HIP1: variants seen among roughly 807,000 people sequenced by gnomAD.
The protein encoded by HIP1 is huntingtin-interacting protein 1.
Under a neutral mutation model 147.6 loss-of-function variants are expected in HIP1, and 65 were observed. That is an observed-to-expected ratio of 0.44 (90% CI 0.36 to 0.54). The LOEUF (loss-of-function observed/expected upper bound fraction) is 0.54. Among genes scored for constraint, HIP1 ranks in the 20% least tolerant of loss-of-function variants. HIP1 has a pLI of 0.00. For synonymous variants in HIP1, 479 were observed against 504.0 expected, an observed-to-expected ratio of 0.95 and a Z score of 0.67; for missense variants, 1,061 against 1,299.6, an observed-to-expected ratio of 0.82 and a Z score of 2.82.
At chr7:75,676,036 G>A (rs927106931) in intron 1 of HIP1, among the ~76,000 whole-genome samples, 20 of 151,976 alleles carry the variant, frequency 1.3e-4, no homozygotes, top group African/African-American at 2.2e-4. Flanking sequence ...GTTCAAAACC[G>A]GACATTTCAA....
At chr7:75,723,005 C>T (rs1342437116) in intron 1 of HIP1, among the ~76,000 whole-genome samples, 1 of 152,180 alleles carries the variant, frequency 6.6e-6, no homozygotes, top group African/African-American at 2.4e-5. Flanking sequence ...TGCAGCGAGA[C>T]ATGGGACCCA....
intron 1 of HIP1, among the ~76,000 whole-genome samples, chr7:75,708,211 C>T (rs368770992): frequency 9.9e-5 from 15 of 152,146 alleles, no homozygotes; most frequent in African/African-American, 9.7e-5. Context: ...GGTTTTTCAT[C>T]GCTGAGTTTT....
chr7:75,650,225 C>A (rs1798927382), intron 1 of HIP1, among the ~76,000 whole-genome samples: 1 of 152,122 alleles, frequency 6.6e-6, no homozygotes, highest in Non-Finnish European at 1.5e-5. Flanking sequence ...CAGACGGGAG[C>A]CACTCAGCCA....
At chr7:75,733,032 C>A (rs1034983546) in intron 1 of HIP1, among the ~76,000 whole-genome samples, 2 of 152,190 alleles carry the variant, frequency 1.3e-5, no homozygotes, top group South Asian at 2.1e-4. Flanking sequence ...GCTCACTAAA[C>A]GGATGTTGAA....
intron 2 of HIP1, among the ~76,000 whole-genome samples, chr7:75,594,247 T>C (rs1796606362): frequency 6.6e-6 from 1 of 151,892 alleles, no homozygotes; most frequent in African/African-American, 2.4e-5. Context: ...GCCATTGCAC[T>C]CCAGCCTGGG....
intron 1 of HIP1, among the ~76,000 whole-genome samples, chr7:75,691,456 A>G (rs1800449904): frequency 6.6e-6 from 1 of 150,468 alleles, no homozygotes; most frequent in South Asian, 2.1e-4. Context: ...AAGCCACTGC[A>G]CTCCAGCCTG....
chr7:75,598,177 G>T (rs1404438650), intron 2 of HIP1, among the ~76,000 whole-genome samples: 3 of 151,998 alleles, frequency 2.0e-5, no homozygotes, highest in African/African-American at 7.2e-5. Flanking sequence ...CACTTTAGGA[G>T]GCTGAGGCCA....
At chr7:75,654,166 G>A (rs1024882307) in intron 1 of HIP1, among the ~76,000 whole-genome samples, 1 of 151,994 alleles carries the variant, frequency 6.6e-6, no homozygotes. Context: ...AGGCCAAGGC[G>A]GGCGGATCAC....
At chr7:75,547,627 A>G in intron 24 of HIP1, 128 bp downstream of exon 24, 1 of 777,654 alleles carries the variant, frequency 1.3e-6, no homozygotes, top group African/African-American at 1.7e-5. Context: ...TGATGATTAC[A>G]TCAACTCAGC....
chr7:75,572,466 A>G (rs1231681251), intron 8 of HIP1, among the ~76,000 whole-genome samples: 1 of 152,168 alleles, frequency 6.6e-6, no homozygotes, highest in Non-Finnish European at 1.5e-5. Flanking sequence ...AGGTCTGCTG[A>G]TATTTGTGCT....
At chr7:75,730,645 A>G (rs1801809538) in intron 1 of HIP1, among the ~76,000 whole-genome samples, 1 of 151,276 alleles carries the variant, frequency 6.6e-6, no homozygotes, top group Admixed American at 6.6e-5. Context: ...AGCCTAAAAT[A>G]GGAATTATAA....
intron 24 of HIP1, among the ~76,000 whole-genome samples, chr7:75,547,304 G>T (rs1286608260): frequency 7.2e-5 from 11 of 152,200 alleles, no homozygotes; most frequent in African/African-American, 2.4e-4. Flanking sequence ...GTCTTGCTCT[G>T]TCGCCCAGGC....
At chr7:75,651,460 C>CAAAAAAAAAAAAAAAAAAAA (rs1168846001) in intron 1 of HIP1, among the ~76,000 whole-genome samples, 1 of 44,102 alleles carries the variant, frequency 2.3e-5, no homozygotes, top group Non-Finnish European at 4.9e-5. Flanking sequence ...CTCCATATCT[C>CAAAAAAAAAAAAAAAAAAAA]AAAAAAAAAA....
At chr7:75,640,804 G>A (rs1798628569) in intron 1 of HIP1, among the ~76,000 whole-genome samples, 1 of 151,342 alleles carries the variant, frequency 6.6e-6, no homozygotes, top group South Asian at 2.1e-4. Context: ...AACAGGTGAT[G>A]GGATCCAGAA....
At chr7:75,737,597 C>T (rs752478329) in intron 1 of HIP1, among the ~76,000 whole-genome samples, 9 of 151,940 alleles carry the variant, frequency 5.9e-5, no homozygotes, top group Non-Finnish European at 1.3e-4. Flanking sequence ...CCACCCGCCT[C>T]GGCCTCCCAA....
chr7:75,697,445 A>T (rs1290616391), intron 1 of HIP1, among the ~76,000 whole-genome samples: 3 of 152,094 alleles, frequency 2.0e-5, no homozygotes, highest in Admixed American at 6.6e-5. Flanking sequence ...AAAATTAATA[A>T]TTTTTTAGTA....
At chr7:75,639,001 G>T in intron 1 of HIP1, 1 of 814,148 alleles carries the variant, frequency 1.2e-6, no homozygotes, top group Non-Finnish European at 1.5e-6. Context: ...GGGCGCCAGG[G>T]CTGGGGGTGT....
chr7:75,655,398 G>A lies in HIP1; in HGVS notation c.121-56151C>T, dbSNP rs150251181. On this transcript the variant is annotated intron_variant, in intron 1 of 30. Transcript: ENST00000336926. ...GTTCGAGTCCAGCCTGGCCAACATG[G>A]TAAAATCCTGTCTCTAATAAAAATA... is the stretch of plus-strand genomic sequence containing the variant. Among the ~76,000 whole-genome samples the A allele has an allele frequency of 5.6e-3, 845 of 152,018 alleles. 12 individuals are homozygous for A. The highest frequency in any genetic ancestry group is 0.019 in the African/African-American group (783 of 41,484).
chr7:75,667,288 G>A (rs946361406), intron 1 of HIP1, among the ~76,000 whole-genome samples: 1 of 152,088 alleles, frequency 6.6e-6, no homozygotes, highest in African/African-American at 2.4e-5. Context: ...GAGTGATAAT[G>A]GAAAGAACAT....
Sources: allele counts gnomAD v4.1 joint callset (sites outside exome capture counted in the v4.1 genomes callset), GRCh38; gene constraint gnomAD v4.1.1; transcripts MANE v1.5; gene names NCBI Gene and HGNC (gene_info 2026-07-23, HGNC 2026-07-21).